The following FLT3 variants were observed in gnomAD, a reference collection of about 807,000 sequenced individuals.
FLT3 encodes receptor-type tyrosine-protein kinase FLT3.
FLT3 carries 46 observed loss-of-function variants against 126.6 expected under a neutral mutation model. The ratio of observed to expected loss-of-function variants is 0.36; its 90% CI spans 0.29 to 0.46. The LOEUF is 0.46. FLT3 is among the 20% of genes least tolerant of loss of function. FLT3 has a pLI of 1.00. For missense variants in FLT3, 1,069 were observed against 1,190.3 expected (o/e 0.90, Z 1.50); for synonymous variants, 404 against 434.4 (o/e 0.93, Z 0.87).
chr13:28,050,231 A>G lies in FLT3; in HGVS notation c.615-9T>C. On this transcript the variant is annotated splice_polypyrimidine_tract_variant and intron_variant, in intron 5 of 23. Coordinates refer to ENST00000241453, the MANE Select transcript of FLT3 (RefSeq NM_004119.3). The stretch of plus-strand genomic sequence containing the variant: ...GACTTTCTTCTTTACAGCTGCAATT[A>G]GAAAAGAAGTACCATTTGGCTAAAC... 1 of 1,613,592 alleles carries G rather than the reference A, an allele frequency of 6.2e-7. No homozygotes were observed. The highest frequency in any genetic ancestry group is 8.5e-7 in the Non-Finnish European group (1 of 1,179,698).
rs1174606634 is a variant in FLT3 at position 28,100,389 on chromosome 13, A to C, written c.43+79T>G. 1 of 1,006,430 alleles carries C rather than the reference A, an allele frequency of 9.9e-7. No individual in the cohort carries two copies. The highest frequency in any genetic ancestry group is 4.5e-5 in the Admixed American group (1 of 22,468). 62.3% of individuals were successfully genotyped at this position (1,006,430 alleles called of 1,614,324 possible). ...AGGAGCGAGGCGGCTGGGCCGGAGG[A>C]GGCGCGCGCCCGGGTCCACACTGCG... On this transcript the variant is annotated intron_variant, in intron 1 of 23. Coordinates refer to ENST00000241453, the MANE Select transcript of FLT3 (RefSeq NM_004119.3). This position sits in a 1 kb window ranked among gnomAD's most constrained non-coding sequence, Gnocchi z 4.8.
rs113727636 is a variant in FLT3 at position 28,072,878 on chromosome 13, G to A, written c.44-2266C>T. Among the ~76,000 whole-genome samples, 1,330 of 152,128 alleles carry A rather than the reference G, an allele frequency of 8.7e-3. 20 individuals carry two copies. The highest frequency in any genetic ancestry group is 0.03 in the African/African-American group (1,260 of 41,520). On this transcript the variant is annotated intron_variant, in intron 1 of 23. Coordinates refer to ENST00000241453, the MANE Select transcript of FLT3 (RefSeq NM_004119.3). ...AAATTAGCCGGGCGTGGTGGCAGGC[G>A]CCTGCAGTCCCAGCTACTCGGGAGG...
intron 16 of FLT3, 103 bp downstream of exon 16, chr13:28,028,075 G>A: frequency 1.5e-6 from 1 of 672,460 alleles, no homozygotes; most frequent in Non-Finnish European, 2.7e-6. Context: ...ACTGAGAAAA[G>A]ACAAAGAATT....
chr13:28,015,138 CA>C lies in FLT3; in HGVS notation c.2753+18del. 1 of 1,458,760 alleles carries C rather than the reference CA, an allele frequency of 6.9e-7. No individual in the cohort carries two copies. The highest frequency in any genetic ancestry group is 9.6e-7 in the Non-Finnish European group (1 of 1,041,870). 90.4% of individuals were successfully genotyped at this position (1,458,760 alleles called of 1,614,324 possible). ...TACCTTTCTGATTTCAACCAAATTA[CA>C]GTCTGACTTGAACTTACATTTCTTC... is the stretch of plus-strand genomic sequence containing the variant. On this transcript the variant is annotated intron_variant, in intron 22 of 23. Coordinates refer to ENST00000241453, the MANE Select transcript of FLT3 (RefSeq NM_004119.3).
In FLT3 at chr13:28,027,188, G is replaced by C. The variant is rs1872886058; in HGVS notation, c.2107C>G (p.Leu703Val). Residue 703 changes from leucine to valine, a missense_variant, in exon 17 of 24, where the codon CTA becomes GTA. Physicochemically the swap from Leu to Val is conservative, Grantham distance 32 (BLOSUM62 1). Coordinates refer to ENST00000241453, the MANE Select transcript of FLT3 (RefSeq NM_004119.3). The part of the protein sequence containing the change: ...YCCYGDLLNY[L>V]RSKREKFHRT... ...TGAAATTTTTCTCTTTTACTTCTTAGATAGTTGAGAAGATCACCATAGCAA... is the reference window on the plus strand; with the variant it reads ...TGAAATTTTTCTCTTTTACTTCTTACATAGTTGAGAAGATCACCATAGCAA... 1 of 1,611,640 alleles carries C rather than the reference G, an allele frequency of 6.2e-7. No homozygotes were observed. Among genetic ancestry groups the C allele is most frequent in the African/African-American group, 1.3e-5 (1 of 74,874 alleles).
At chr13:28,079,652 G>A (rs977921973) in intron 1 of FLT3, among the ~76,000 whole-genome samples, 1 of 152,052 alleles carries the variant, frequency 6.6e-6, no homozygotes, top group Non-Finnish European at 1.5e-5. Context: ...TTCTTACATG[G>A]TGGCAGCAAG....
At chr13:28,037,131 T>TA in intron 10 of FLT3, 54 bp downstream of exon 10, 2 of 1,082,128 alleles carry the variant, frequency 1.8e-6, no homozygotes, top group Non-Finnish European at 2.8e-6. Flanking sequence ...TTAAGACTAA[T>TA]AAAAAATTAA....
intron 9 of FLT3, among the ~76,000 whole-genome samples, chr13:28,042,423 G>A (rs1472186094): frequency 6.6e-6 from 1 of 151,958 alleles, no homozygotes; most frequent in Non-Finnish European, 1.5e-5. Context: ...CATATTGTAT[G>A]TTTCTATCAT....
chr13:28,090,462 T>C (rs1878961954), intron 1 of FLT3, among the ~76,000 whole-genome samples: 2 of 152,252 alleles, frequency 1.3e-5, no homozygotes, highest in African/African-American at 2.4e-5. Flanking sequence ...TGTATGAAAA[T>C]TGTACCTCAA....
chr13:28,096,316 T>G (rs533374589), intron 1 of FLT3, among the ~76,000 whole-genome samples: 3 of 152,262 alleles, frequency 2.0e-5, no homozygotes, highest in African/African-American at 7.2e-5. Context: ...ACTGTACCAC[T>G]GCACTCCAGC....
intron 23 of FLT3, among the ~76,000 whole-genome samples, chr13:28,011,954 C>T (rs1400219500): frequency 1.3e-5 from 2 of 152,132 alleles, no homozygotes; most frequent in African/African-American, 4.8e-5. Context: ...TGCGCCACCA[C>T]GCCTGGCTAA....
At chr13:28,018,358 TGA>T in intron 20 of FLT3, 107 bp downstream of exon 20, 2 of 1,283,226 alleles carry the variant, frequency 1.6e-6, no homozygotes, top group Admixed American at 1.9e-5. Context: ...GAGGGTTTTT[TGA>T]TGTTACCATA....
At chr13:28,037,095 C>T in intron 10 of FLT3, 90 bp downstream of exon 10, 1 of 769,332 alleles carries the variant, frequency 1.3e-6, no homozygotes, top group Non-Finnish European at 2.2e-6. Context: ...AGTAGCCCTT[C>T]TAAGCCATTA....
At chr13:28,028,790 C>CT (rs35421108) in intron 15 of FLT3, among the ~76,000 whole-genome samples, 134,468 of 141,204 alleles carry the variant, frequency 0.95, 64,221 homozygotes, top group East Asian at 1. Context: ...TTCTTTCTTT[C>CT]TTTTTTTTTG....
At position 28,004,083 on chromosome 13, in the gene FLT3, A is replaced by T; in HGVS notation, c.2951T>A (p.Leu984His). ...PFSREMDLGL[L>H]SPQAQVEDS ...ATCTTCGACCTGAGCCTGCGGAGAG[A>T]GTAGCCCCAAATCCATCTCTCTGCT... The change falls in exon 24 of 24, where the codon CTC becomes CAC. Residue 984 changes from leucine (L) to histidine (H), a missense_variant. By Grantham distance (99) the Leu-to-His change is moderately conservative. Transcript: ENST00000241453. 1 of 1,614,112 alleles carries T rather than the reference A, an allele frequency of 6.2e-7. No homozygotes were observed. Among genetic ancestry groups the T allele is most frequent in the Non-Finnish European group, 8.5e-7 (1 of 1,180,034 alleles).
Position 28,006,306 on chromosome 13 carries a change from T to TTGTGTGTGTGTGTG in FLT3, c.2860-2146_2860-2133dup, listed in dbSNP as rs4002773. Among the ~76,000 whole-genome samples the TTGTGTGTGTGTGTG allele has an allele frequency of 2.7e-5, 4 of 146,994 alleles. No homozygotes were observed. In the East Asian group the frequency reaches 8.0e-4, roughly 30 times the overall value. On this transcript the variant is annotated intron_variant, in intron 23 of 23. Coordinates refer to ENST00000241453, the MANE Select transcript of FLT3 (RefSeq NM_004119.3). Reference sequence around the variant, plus strand: ...ACACTTCACTTTTCTTTCTAGAAAATTGTGTGTGTGTGTGTGTGTGTGTGT... The same window carrying TTGTGTGTGTGTGTG: ...ACACTTCACTTTTCTTTCTAGAAAATTGTGTGTGTGTGTGTGTGTGTGTGTGTGTGTGTGTGTGT...
Position 28,011,445 on chromosome 13 carries a change from G to A in FLT3, c.2859+3007C>T, listed in dbSNP as rs112438065. Among the ~76,000 whole-genome samples, 531 of 152,056 alleles carry A rather than the reference G, an allele frequency of 3.5e-3. 3 individuals carry two copies. The highest frequency in any genetic ancestry group is 4.0e-3 in the Non-Finnish European group (270 of 67,978). On this transcript the variant is annotated intron_variant, in intron 23 of 23. Transcript: ENST00000241453. The stretch of plus-strand genomic sequence containing the variant: ...GTGACAAGGCCAGTTTTCCAACCAA[G>A]GGACTAGATAGGATTCTGCAGAGTG...
chr13:28,049,390 T>C lies in FLT3; in HGVS notation c.1030A>G (p.Ile344Val). The C allele has an allele frequency of 5.6e-6, 9 of 1,613,372 alleles. No homozygotes were observed. The highest frequency in any genetic ancestry group is 1.1e-5 in the South Asian group (1 of 90,850). ...KHPSQSALVT[I>V]VEKGFINATN... ...TGTGAGCAGCCTGCATTACCTACGA[T>C]GGTAACCAAAGCTGATTGACTGGGA... The change falls in exon 8 of 24, where the codon ATC becomes GTC. Residue 344 changes from isoleucine (I) to valine (V), a missense_variant. Ile to Val is a conservative substitution (Grantham distance 29, BLOSUM62 3). Coordinates refer to ENST00000241453, the MANE Select transcript of FLT3 (RefSeq NM_004119.3).
chr13:28,083,349 C>T (rs975638509), intron 1 of FLT3, among the ~76,000 whole-genome samples: 27 of 152,120 alleles, frequency 1.8e-4, no homozygotes, highest in Middle Eastern at 3.4e-3. Flanking sequence ...TAAACATCAG[C>T]GGGACATCAC....
Sources: gnomAD v4.1 joint callset for allele counts (sites outside exome capture counted in the v4.1 genomes callset) on GRCh38, gnomAD v4.1.1 for gene constraint, Gnocchi (gnomAD v3.1) non-coding constraint, MANE v1.5 for transcripts, NCBI Gene and HGNC (gene_info 2026-07-23, HGNC 2026-07-21) for gene names.